WDR70: variants seen among roughly 807,000 people sequenced by gnomAD.
WDR70 encodes WD repeat domain 70, also known as WD repeat-containing protein 70.
In WDR70, 53 loss-of-function variants were observed where a neutral mutation model predicts 88.6. The ratio of observed to expected loss-of-function variants is 0.60; its 90% CI spans 0.48 to 0.75. The LOEUF (loss-of-function observed/expected upper bound fraction) is 0.75, where lower values mean the gene tolerates loss of function less well. Ranked by LOEUF, WDR70 falls within the 30% of genes least tolerant of loss-of-function variation. The pLI, the probability that WDR70 is intolerant of heterozygous loss-of-function variation, is 0.00. For missense variants in WDR70, 610 were observed against 823.2 expected (o/e 0.74, Z 3.17); for synonymous variants, 280 against 270.0 (o/e 1.04, Z -0.36).
At chr5:37,505,067 C>CT (rs1393362807) in intron 8 of WDR70, among the ~76,000 whole-genome samples, 1 of 152,092 alleles carries the variant, frequency 6.6e-6, no homozygotes, top group African/African-American at 2.4e-5. Context: ...TTTATTTTTA[C>CT]TTTATATATA....
At chr5:37,662,536 A>G (rs1190305500) in intron 10 of WDR70, among the ~76,000 whole-genome samples, 1 of 152,094 alleles carries the variant, frequency 6.6e-6, no homozygotes, top group Non-Finnish European at 1.5e-5. Context: ...CATCTTTTTT[A>G]CTTCAGATTA....
intron 17 of WDR70, among the ~76,000 whole-genome samples, chr5:37,738,219 A>T (rs1443999717): frequency 6.6e-6 from 1 of 152,186 alleles, no homozygotes; most frequent in Non-Finnish European, 1.5e-5. Flanking sequence ...TGTCAGATTG[A>T]AAGTCATGGC....
At chr5:37,410,931 T>C (rs1229380759) in intron 5 of WDR70, among the ~76,000 whole-genome samples, 6 of 152,230 alleles carry the variant, frequency 3.9e-5, no homozygotes, top group African/African-American at 1.4e-4. Context: ...TTAATAATTG[T>C]AAGAGCTGCC....
chr5:37,516,723 A>ATTT (rs1463642334), intron 9 of WDR70, 133 bp downstream of exon 9: 45 of 128,440 alleles, frequency 3.5e-4, no homozygotes, highest in South Asian at 1.2e-3. Context: ...ATATATATAT[A>ATTT]TATTTTTTTT....
At chr5:37,506,361 A>G in intron 8 of WDR70, 1 of 825,580 alleles carries the variant, frequency 1.2e-6, no homozygotes, top group South Asian at 1.4e-5. Context: ...TAACACACCC[A>G]ATAAATTAAT....
chr5:37,475,079 T>TG (rs1308755675), intron 7 of WDR70, among the ~76,000 whole-genome samples: 1 of 150,376 alleles, frequency 6.6e-6, no homozygotes, highest in Non-Finnish European at 1.5e-5. Flanking sequence ...CTACCACGCC[T>TG]GGCTAATTTT....
At chr5:37,511,012 A>AG (rs1238870981) in intron 8 of WDR70, among the ~76,000 whole-genome samples, 3 of 152,184 alleles carry the variant, frequency 2.0e-5, no homozygotes, top group Non-Finnish European at 4.4e-5. Context: ...CACTTGTTTA[A>AG]GGTGGTGTCT....
At chr5:37,392,438 C>T (rs370394073) in intron 4 of WDR70, among the ~76,000 whole-genome samples, 94 of 152,180 alleles carry the variant, frequency 6.2e-4, no homozygotes, top group African/African-American at 2.0e-3. Context: ...CCCGCCTCAG[C>T]CTCCCAAAGT....
intron 8 of WDR70, among the ~76,000 whole-genome samples, chr5:37,480,979 A>G (rs937163260): frequency 2.0e-5 from 3 of 152,226 alleles, no homozygotes; most frequent in African/African-American, 4.8e-5. Context: ...CGAAAGAGCT[A>G]CAGGCCCCAT....
At chr5:37,428,860 T>C (rs1750218593) in intron 5 of WDR70, among the ~76,000 whole-genome samples, 1 of 152,250 alleles carries the variant, frequency 6.6e-6, no homozygotes, top group African/African-American at 2.4e-5. Context: ...TTTTACACTC[T>C]CACCTGCAAA....
At chr5:37,630,710 A>G (rs1432629972) in intron 10 of WDR70, among the ~76,000 whole-genome samples, 1 of 152,170 alleles carries the variant, frequency 6.6e-6, no homozygotes, top group East Asian at 1.9e-4. Context: ...TGTGACATTC[A>G]TATATAATGT....
intron 10 of WDR70, among the ~76,000 whole-genome samples, chr5:37,673,583 A>ACCCCTCCC (rs1746094647): frequency 1.3e-5 from 1 of 76,228 alleles, no homozygotes; most frequent in Non-Finnish European, 2.4e-5. Flanking sequence ...GACTTTTCTT[A>ACCCCTCCC]CCCCCCCCCC....
chr5:37,447,923 A>G (rs1369167670), intron 7 of WDR70, among the ~76,000 whole-genome samples: 2 of 152,122 alleles, frequency 1.3e-5, no homozygotes, highest in African/African-American at 4.8e-5. Context: ...GTACCCTAGA[A>G]CTTAAAGTGT....
chr5:37,555,078 T>G (rs1204310051), intron 9 of WDR70, among the ~76,000 whole-genome samples: 1 of 152,194 alleles, frequency 6.6e-6, no homozygotes, highest in Admixed American at 6.5e-5. Context: ...ACCTCTTCCT[T>G]TATTTAGGCC....
chr5:37,671,686 C>CG (rs372537599), intron 10 of WDR70, among the ~76,000 whole-genome samples: 2 of 152,284 alleles, frequency 1.3e-5, no homozygotes, highest in Non-Finnish European at 2.9e-5. Context: ...GACTGTCTTT[C>CG]TCCTGCATTG....
intron 7 of WDR70, among the ~76,000 whole-genome samples, chr5:37,454,357 A>G (rs1561858670): frequency 6.6e-6 from 1 of 152,194 alleles, no homozygotes; most frequent in Non-Finnish European, 1.5e-5. Context: ...AGATAATTGA[A>G]TAGTGAGTTT....
rs768694503 is a variant in WDR70 at position 37,479,883 on chromosome 5, G to C, written c.736G>C (p.Val246Leu). The change falls in exon 8 of 18, where the codon GTT becomes CTT. Residue 246 changes from valine (V) to leucine (L), a missense_variant. By Grantham distance (32) the Val-to-Leu change is conservative. Transcript: ENST00000265107. The part of the protein sequence containing the change: ...QYSNTGDMIL[V>L]VSGSSQAKVI... ...TAGTAACACAGGAGACATGATTCTTGTTGTATCTGGAAGCTCTCAGGCCAA... is the reference window on the plus strand; with the variant it reads ...TAGTAACACAGGAGACATGATTCTTCTTGTATCTGGAAGCTCTCAGGCCAA... 6.2e-7 allele frequency: 1 copy of C among 1,614,090 alleles called. No individual in the cohort carries two copies. Among genetic ancestry groups the C allele is most frequent in the Admixed American group, 1.7e-5 (1 of 60,022 alleles).
intron 17 of WDR70, among the ~76,000 whole-genome samples, chr5:37,745,363 A>T (rs911186481): frequency 4.0e-5 from 6 of 151,072 alleles, no homozygotes; most frequent in Non-Finnish European, 1.5e-5. Flanking sequence ...AAGAAACTGC[A>T]TCTAGTGTGC....
chr5:37,724,749 G>A (rs1458240849), intron 15 of WDR70, 185 bp from the exon 16 acceptor site: 1 of 603,926 alleles, frequency 1.7e-6, no homozygotes, highest in Non-Finnish European at 2.9e-6. Context: ...TGCCAGGAGA[G>A]GTGACCAGTG....
Sources: allele counts gnomAD v4.1 joint callset (sites outside exome capture counted in the v4.1 genomes callset), GRCh38; gene constraint gnomAD v4.1.1; transcripts MANE v1.5; gene names NCBI Gene and HGNC (gene_info 2026-07-23, HGNC 2026-07-21).